The following CERS4 variants were observed in gnomAD, a reference collection of about 807,000 sequenced individuals.
The protein encoded by CERS4 is ceramide synthase 4, also known as LAG1 homolog, ceramide synthase 4.
A neutral mutation model predicts 51.8 loss-of-function variants in CERS4; 65 were observed. That is an observed-to-expected ratio of 1.26 (90% CI 1.03 to 1.54). The LOEUF (loss-of-function observed/expected upper bound fraction) is 1.54, where lower values mean the gene tolerates loss of function less well. Among genes scored for constraint, CERS4 ranks in the 40% most tolerant of loss-of-function variants. The probability of loss-of-function intolerance (pLI) is 0.00; values close to 1 mark genes in which losing one functional copy is unlikely to be tolerated. For synonymous variants in CERS4, 228 were observed against 208.4 expected, an observed-to-expected ratio of 1.09 and a Z score of -0.81; for missense variants, 563 against 500.4, an observed-to-expected ratio of 1.13 and a Z score of -1.19.
chr19:8,259,964 C>T (rs1969593666), intron 10 of CERS4, among the ~76,000 whole-genome samples: 1 of 152,048 alleles, frequency 6.6e-6, no homozygotes, highest in Non-Finnish European at 1.5e-5. Flanking sequence ...TCCTCCATGG[C>T]TCCCACCTGT....
At chr19:8,241,318 T>G (rs2145248955) in intron 2 of CERS4, 1 of 152,380 alleles carries the variant, frequency 6.6e-6, no homozygotes, top group African/African-American at 2.4e-5. Flanking sequence ...AGCTGTTTTT[T>G]GGGGGGTTTT....
chr19:8,237,562 A>G (rs1435006146), intron 2 of CERS4, among the ~76,000 whole-genome samples: 1 of 151,392 alleles, frequency 6.6e-6, no homozygotes, highest in African/African-American at 2.4e-5. Flanking sequence ...AAAAACAGAA[A>G]AAAGTAGGCC....
At position 8,261,740 on chromosome 19, in the gene CERS4, G is replaced by C. The variant is rs2288413; in HGVS notation, c.901G>C (p.Gly301Arg). The C allele has an allele frequency of 2.5e-6, 4 of 1,613,928 alleles. No homozygotes were observed. The highest frequency in any genetic ancestry group is 1.7e-5 in the Admixed American group (1 of 59,968). ...CATCAGCAACAGGGGCCCCTTCTTC[G>C]GCTACTACTTCTTCAACGGGCTTCT... ...ESISNRGPFFGYYFFNGLLML... is the reference protein window; with the variant it reads ...ESISNRGPFFRYYFFNGLLML... The change falls in exon 11 of 12, where the codon GGC (glycine) becomes CGC (arginine). Residue 301 changes from glycine (G) to arginine (R), a missense_variant. Coordinates refer to ENST00000251363, the MANE Select transcript of CERS4 (RefSeq NM_024552.3).
intron 2 of CERS4, among the ~76,000 whole-genome samples, chr19:8,234,839 C>T (rs921983635): frequency 6.6e-6 from 1 of 151,444 alleles, no homozygotes; most frequent in African/African-American, 2.4e-5. Flanking sequence ...CAGGCATGAG[C>T]CACCACGCCC....
In CERS4 at chr19:8,261,690, T is replaced by A. The variant is rs769384251; in HGVS notation, c.851T>A (p.Ile284Asn). The change falls in exon 11 of 12, where the codon ATC becomes AAC. Residue 284 changes from isoleucine to asparagine, a missense_variant and splice_region_variant. Transcript: ENST00000251363. ...YTRLVLFPTQ[I>N]LYTTYYESIS... is the part of the protein sequence containing the mutation. ...TCCTCCTCTCCCCCTGGCTGTAGGA[T>A]CCTCTACACCACATACTACGAGTCC... The A allele has an allele frequency of 6.2e-7, 1 of 1,613,902 alleles. No individual in the cohort carries two copies. Among genetic ancestry groups the A allele is most frequent in the Non-Finnish European group, 8.5e-7 (1 of 1,179,962 alleles).
chr19:8,257,142 A>G (rs1748335273), intron 9 of CERS4, 65 bp downstream of exon 9: 1 of 1,493,796 alleles, frequency 6.7e-7, no homozygotes, highest in East Asian at 2.3e-5. Flanking sequence ...TGCCCCAGAG[A>G]TGAGGTCCCA....
At chr19:8,214,407 C>G (rs1356261717) in intron 2 of CERS4, 2 of 152,486 alleles carry the variant, frequency 1.3e-5, no homozygotes, top group African/African-American at 4.8e-5. Flanking sequence ...GAAGGAGCAG[C>G]TAGACATCTG....
Position 8,261,849 on chromosome 19 carries a change from G to A in CERS4, c.1005+5G>A. The A allele has an allele frequency of 6.2e-7, 1 of 1,614,058 alleles. No individual in the cohort carries two copies. The highest frequency in any genetic ancestry group is 1.3e-5 in the African/African-American group (1 of 75,042). On this transcript the variant is annotated splice_donor_5th_base_variant and intron_variant, in intron 11 of 11. Transcript: ENST00000251363. ...AGCTTCATGAAGAAGGGCCAGGTAT[G>A]GCTGGACCTCCCCGGGGGCCCCAGC...
chr19:8,214,105 T>C (rs1320954836), intron 2 of CERS4, among the ~76,000 whole-genome samples: 1 of 152,142 alleles, frequency 6.6e-6, no homozygotes, highest in Non-Finnish European at 1.5e-5. Context: ...AGCTCAGCTT[T>C]CCCTCCCTAC....
chr19:8,235,151 G>A (rs1968190257), intron 2 of CERS4, among the ~76,000 whole-genome samples: 1 of 151,480 alleles, frequency 6.6e-6, no homozygotes, highest in Non-Finnish European at 1.5e-5. Context: ...TGGGATTACA[G>A]GCACACACCA....
chr19:8,218,854 C>T (rs1175759353), intron 2 of CERS4, among the ~76,000 whole-genome samples: 6 of 152,278 alleles, frequency 3.9e-5, no homozygotes, highest in Admixed American at 1.3e-4. Context: ...TGATGGAAGA[C>T]GTGTGCTCTG....
intron 2 of CERS4, among the ~76,000 whole-genome samples, chr19:8,237,718 G>C (rs1968328276): frequency 6.6e-6 from 1 of 152,104 alleles, no homozygotes; most frequent in Non-Finnish European, 1.5e-5. Flanking sequence ...GGGCGTGGTG[G>C]TGGGCGCCTG....
At chr19:8,249,587 A>ATTTTTTTTTTT (rs869119452) in intron 2 of CERS4, among the ~76,000 whole-genome samples, 6 of 91,380 alleles carry the variant, frequency 6.6e-5, no homozygotes, top group African/African-American at 1.3e-4. Context: ...GGAACTCTGG[A>ATTTTTTTTTTT]TTTTTTTTTT....
intron 2 of CERS4, chr19:8,250,737 G>A (rs1006978584): frequency 5.6e-6 from 5 of 900,646 alleles, no homozygotes; most frequent in Middle Eastern, 5.2e-4. Flanking sequence ...TTACAGGCGT[G>A]AGCAACTGCG....
intron 2 of CERS4, among the ~76,000 whole-genome samples, chr19:8,249,587 A>ATTTTTTTTTTTTTTTT (rs869119452): frequency 1.1e-5 from 1 of 91,380 alleles, no homozygotes; most frequent in Non-Finnish European, 2.0e-5. Context: ...GGAACTCTGG[A>ATTTTTTTTTTTTTTTT]TTTTTTTTTT....
Position 8,256,639 on chromosome 19 carries a change from T to G in CERS4, c.541T>G (p.Trp181Gly). 1 of 1,613,602 alleles carries G rather than the reference T, an allele frequency of 6.2e-7. No homozygotes were observed. Among genetic ancestry groups the G allele is most frequent in the Non-Finnish European group, 8.5e-7 (1 of 1,179,776 alleles). ...PNQTLKPSLY[W>G]WYLLELGFYL... Reference sequence around the variant, plus strand: ...GCAGACTCTGAAGCCATCCCTGTACTGGTGGTACCTCTTGGAGCTGGGTTT... The same window carrying G: ...GCAGACTCTGAAGCCATCCCTGTACGGGTGGTACCTCTTGGAGCTGGGTTT... The change falls in exon 8 of 12, where the codon TGG (tryptophan) becomes GGG (glycine). Residue 181 changes from tryptophan (W) to glycine (G), a missense_variant. Transcript: ENST00000251363.
intron 2 of CERS4, among the ~76,000 whole-genome samples, chr19:8,213,935 C>T (rs928301805): frequency 1.3e-5 from 2 of 152,160 alleles, no homozygotes; most frequent in African/African-American, 4.8e-5. Flanking sequence ...TACTGCACTA[C>T]TGCACTCCAG....
At position 8,247,732 on chromosome 19, in the gene CERS4, CTTT is replaced by C. The variant is rs370855290; in HGVS notation, c.-1-3327_-1-3325del. On this transcript the variant is annotated intron_variant, in intron 2 of 11. Transcript: ENST00000251363. ...ACTTTGCCTGGCCTGACCTCCGCATCTTTTTTTTTTTTTTTTTTTAAGATGGAG... is the reference window on the plus strand; with the variant it reads ...ACTTTGCCTGGCCTGACCTCCGCATCTTTTTTTTTTTTTTTTAAGATGGAG... 1.1e-3 allele frequency among the ~76,000 whole-genome samples: 146 copies of C among 131,144 alleles called. 1 individual carries two copies. Among genetic ancestry groups the C allele is most frequent in the African/African-American group, 3.0e-3 (106 of 35,052 alleles). 86.0% of individuals were successfully genotyped at this position (131,144 alleles called of 152,430 possible). A position where few individuals can be genotyped will look rare whatever the true frequency, so the allele number is the denominator to read the frequency against.
chr19:8,244,519 C>T (rs1356728897), intron 2 of CERS4, among the ~76,000 whole-genome samples: 2 of 152,166 alleles, frequency 1.3e-5, no homozygotes, highest in Non-Finnish European at 2.9e-5. Context: ...CTTCTCTTTT[C>T]TGGCTCCACT....
Sources: allele counts gnomAD v4.1 joint callset (sites outside exome capture counted in the v4.1 genomes callset), GRCh38; gene constraint gnomAD v4.1.1; transcripts MANE v1.5; gene names NCBI Gene and HGNC (gene_info 2026-07-23, HGNC 2026-07-21).